The following TTC7B variants were observed in gnomAD, a reference collection of about 807,000 sequenced individuals.
The protein encoded by TTC7B is tetratricopeptide repeat protein 7B.
A neutral mutation model predicts 106.8 loss-of-function variants in TTC7B; 28 were observed. The observed-to-expected ratio is 0.26, with a 90% CI of 0.19 to 0.36. The LOEUF (loss-of-function observed/expected upper bound fraction) is 0.36, where lower values mean the gene tolerates loss of function less well. TTC7B is among the 10% of genes least tolerant of loss of function. The probability of loss-of-function intolerance (pLI) is 1.00; values close to 1 mark genes in which losing one functional copy is unlikely to be tolerated. For synonymous variants in TTC7B, 405 were observed against 430.6 expected (o/e 0.94, Z 0.74); for missense variants, 862 against 1,076.4 (o/e 0.80, Z 2.79).
intron 19 of TTC7B, among the ~76,000 whole-genome samples, chr14:90,565,617 G>C (rs888607607): frequency 2.7e-5 from 4 of 150,396 alleles, no homozygotes; most frequent in African/African-American, 9.8e-5. Context: ...GGCCAGGATG[G>C]TCTCGATCTC....
chr14:90,646,635 G>C, intron 14 of TTC7B: 1 of 278,558 alleles, frequency 3.6e-6, no homozygotes, highest in Admixed American at 4.3e-5. Flanking sequence ...AGGGACAGAG[G>C]CTCTTTGATG....
At chr14:90,674,069 G>A (rs1162252659) in intron 9 of TTC7B, among the ~76,000 whole-genome samples, 1 of 152,010 alleles carries the variant, frequency 6.6e-6, no homozygotes, top group Non-Finnish European at 1.5e-5. Flanking sequence ...CTTTAAAATG[G>A]TTAGGTTTGT....
At chr14:90,568,279 C>T (rs1291141779) in intron 19 of TTC7B, among the ~76,000 whole-genome samples, 6 of 152,070 alleles carry the variant, frequency 3.9e-5, no homozygotes, top group Non-Finnish European at 5.9e-5. Context: ...GAAGTGAAAA[C>T]GAAAGGCCTG....
chr14:90,661,748 T>G lies in TTC7B; in HGVS notation c.1153-3361A>C, dbSNP rs530301321. ...ACTAAGTACTTAAACATTTATATGT[T>G]TAAATGGTTTTTTTGTCCTCCTTTT... On this transcript the variant is annotated intron_variant, in intron 9 of 19. Transcript: ENST00000328459. Among the ~76,000 whole-genome samples, 5 of 152,286 alleles carry G rather than the reference T, an allele frequency of 3.3e-5. No individual in the cohort carries two copies. In the South Asian group the frequency reaches 8.3e-4, roughly 25 times the overall value.
intron 3 of TTC7B, among the ~76,000 whole-genome samples, chr14:90,750,730 G>A (rs1391206031): frequency 6.6e-6 from 1 of 152,194 alleles, no homozygotes; most frequent in African/African-American, 2.4e-5. Flanking sequence ...GGCCCTTTAA[G>A]GTATTAAATT....
chr14:90,623,538 A>C (rs1055005834), intron 15 of TTC7B, among the ~76,000 whole-genome samples: 3 of 152,252 alleles, frequency 2.0e-5, no homozygotes, highest in Non-Finnish European at 2.9e-5. Flanking sequence ...AGTGGTATAA[A>C]ATACAGTCCC....
At position 90,757,062 on chromosome 14, in the gene TTC7B, TCAGAGA is replaced by T. The variant is rs1201464526; in HGVS notation, c.446-12146_446-12141del. 6.6e-6 allele frequency among the ~76,000 whole-genome samples: 1 copy of T among 151,224 alleles called. No individual in the cohort carries two copies. Among genetic ancestry groups the T allele is most frequent in the African/African-American group, 2.4e-5 (1 of 41,052 alleles). On this transcript the variant is annotated intron_variant, in intron 3 of 19. Transcript: ENST00000328459. This position sits in a 1 kb window ranked among gnomAD's most constrained non-coding sequence, Gnocchi z 4.1. The stretch of plus-strand genomic sequence containing the variant: ...GGAAGAGGCAGAAGAGATCATGGAG[TCAGAGA>T]CAAACAGTTAGCAGAAGGCTTAACG...
intron 3 of TTC7B, among the ~76,000 whole-genome samples, chr14:90,778,590 C>CCACACA (rs10611473): frequency 6.6e-4 from 100 of 150,894 alleles, no homozygotes; most frequent in Non-Finnish European, 1.1e-3. Context: ...CTGTTGCTGG[C>CCACACA]CACACACACA....
intron 5 of TTC7B, among the ~76,000 whole-genome samples, chr14:90,721,261 T>C (rs1021527718): frequency 2.0e-5 from 3 of 152,186 alleles, no homozygotes; most frequent in South Asian, 4.2e-4. Context: ...CTGAGGAAGC[T>C]TTCTGACGGC....
At chr14:90,743,648 A>G (rs543323096) in intron 4 of TTC7B, among the ~76,000 whole-genome samples, 1 of 152,362 alleles carries the variant, frequency 6.6e-6, no homozygotes, top group Non-Finnish European at 1.5e-5. Context: ...TGTTATTAAT[A>G]AAAATAAGTG....
chr14:90,802,434 C>T lies in TTC7B; in HGVS notation c.121+13741G>A, dbSNP rs2030331858. The stretch of plus-strand genomic sequence containing the variant: ...TGAGCACAGGTGAAGGAGCCGCTGG[C>T]CTCTGAAGGGAGTGAGGGCTCCAAG... On this transcript the variant is annotated intron_variant, in intron 1 of 19. Transcript: ENST00000328459. This position sits in a 1 kb window ranked among gnomAD's most constrained non-coding sequence, Gnocchi z 4.7. Among the ~76,000 whole-genome samples, 1 of 152,144 alleles carries T rather than the reference C, an allele frequency of 6.6e-6. No individual in the cohort carries two copies. The highest frequency in any genetic ancestry group is 1.5e-5 in the Non-Finnish European group (1 of 68,032).
Position 90,663,087 on chromosome 14 carries a change from C to T in TTC7B, c.1153-4700G>A, listed in dbSNP as rs796107221. Among the ~76,000 whole-genome samples, 2 of 152,298 alleles carry T rather than the reference C, an allele frequency of 1.3e-5. No individual in the cohort carries two copies. The highest frequency in any genetic ancestry group is 4.8e-5 in the African/African-American group (2 of 41,564). ...TGGTAACACTTACTCTGTAGCCAGG[C>T]ACTATTTTAATTACTTTACAAGCAT... On this transcript the variant is annotated intron_variant, in intron 9 of 19. Transcript: ENST00000328459. The surrounding 1 kb of genome is among the most constrained non-coding windows in gnomAD (Gnocchi z 4.5).
intron 3 of TTC7B, chr14:90,766,740 T>G: frequency 2.6e-6 from 4 of 1,557,824 alleles, no homozygotes; most frequent in Non-Finnish European, 3.5e-6. Context: ...TGATCACCAT[T>G]ATGCAGAATC....
At chr14:90,659,597 C>T (rs759463370) in intron 9 of TTC7B, among the ~76,000 whole-genome samples, 1 of 152,054 alleles carries the variant, frequency 6.6e-6, no homozygotes, top group Non-Finnish European at 1.5e-5. Context: ...AGCAGTGTCA[C>T]AACACAGAGA....
chr14:90,562,181 C>T (rs1257802954), intron 19 of TTC7B, among the ~76,000 whole-genome samples: 1 of 152,172 alleles, frequency 6.6e-6, no homozygotes, highest in Non-Finnish European at 1.5e-5. Context: ...CCCCGGTCAG[C>T]CCACCTCCAC....
intron 11 of TTC7B, among the ~76,000 whole-genome samples, chr14:90,656,954 A>C (rs1885970765): frequency 6.6e-6 from 1 of 152,168 alleles, no homozygotes; most frequent in South Asian, 2.1e-4. Context: ...CATAGGAAAA[A>C]ACCCCTGGAG....
chr14:90,659,228 T>C (rs1398831349), intron 9 of TTC7B, among the ~76,000 whole-genome samples: 1 of 149,794 alleles, frequency 6.7e-6, no homozygotes, highest in Non-Finnish European at 1.5e-5. Context: ...TGTGTGTGTG[T>C]GTGAGAGAGA....
intron 4 of TTC7B, among the ~76,000 whole-genome samples, chr14:90,734,809 A>G (rs796307528): frequency 1.3e-5 from 2 of 152,062 alleles, no homozygotes; most frequent in African/African-American, 4.8e-5. Flanking sequence ...TATTTTGGAG[A>G]CGGAGTTTCT....
intron 4 of TTC7B, among the ~76,000 whole-genome samples, chr14:90,741,820 T>A (rs1889777908): frequency 6.6e-6 from 1 of 152,242 alleles, no homozygotes; most frequent in African/African-American, 2.4e-5. Context: ...AGTTAGTTTC[T>A]TGAGTACTTA....
Sources: allele counts gnomAD v4.1 joint callset (sites outside exome capture counted in the v4.1 genomes callset), GRCh38; gene constraint gnomAD v4.1.1; non-coding constraint Gnocchi (gnomAD v3.1); transcripts MANE v1.5; gene names NCBI Gene and HGNC (gene_info 2026-07-23, HGNC 2026-07-21).